The following COL28A1 variants were observed in gnomAD, a reference collection of about 807,000 sequenced individuals.
The protein encoded by COL28A1 is collagen alpha-1(XXVIII) chain.
COL28A1 carries 161 observed loss-of-function variants against 150.2 expected under a neutral mutation model. That is an observed-to-expected ratio of 1.07 (90% CI 0.94 to 1.22). The LOEUF (loss-of-function observed/expected upper bound fraction) is 1.22, where lower values mean the gene tolerates loss of function less well. COL28A1 is among the 50% of genes most tolerant of loss of function. The pLI is 0.00. For missense variants in COL28A1, 1,617 were observed against 1,388.3 expected, an observed-to-expected ratio of 1.16 and a Z score of -2.62; for synonymous variants, 552 against 469.7, an observed-to-expected ratio of 1.18 and a Z score of -2.26.
At chr7:7,472,001 TG>T (rs912482150) in intron 15 of COL28A1, among the ~76,000 whole-genome samples, 2 of 152,126 alleles carry the variant, frequency 1.3e-5, no homozygotes, top group African/African-American at 4.8e-5. Context: ...TCAGCAAAAT[TG>T]GCATACAAGG....
intron 15 of COL28A1, among the ~76,000 whole-genome samples, chr7:7,471,831 G>T (rs1788456217): frequency 6.6e-6 from 1 of 152,148 alleles, no homozygotes; most frequent in South Asian, 2.1e-4. Context: ...GGAGGTGGAG[G>T]TTGCAGTGAA....
intron 11 of COL28A1, among the ~76,000 whole-genome samples, chr7:7,497,991 G>A (rs1001638184): frequency 6.6e-6 from 1 of 152,134 alleles, no homozygotes; most frequent in South Asian, 2.1e-4. Flanking sequence ...CTACGTACTT[G>A]TGCTTTCTAA....
chr7:7,362,166 A>G (rs1432019800), intron 33 of COL28A1, among the ~76,000 whole-genome samples: 6 of 152,188 alleles, frequency 3.9e-5, no homozygotes, highest in Non-Finnish European at 8.8e-5. Flanking sequence ...GTATCCCAGA[A>G]CTTAAAGTAT....
chr7:7,417,805 C>T lies in COL28A1; in HGVS notation c.2136+54G>A, dbSNP rs73674538. ...TTTTGCGTTATCTACAACCTCTTCT[C>T]CCAATCACTCTGGTGAAATCAGAGG... On this transcript the variant is annotated intron_variant, in intron 27 of 34. Coordinates refer to ENST00000399429, the MANE Select transcript of COL28A1 (RefSeq NM_001037763.3). 9,778 of 1,474,254 alleles carry T rather than the reference C, an allele frequency of 6.6e-3. 487 individuals are homozygous for T. In the African/African-American group the frequency reaches 0.12, roughly 18 times the overall value. The allele number at this position is 1,474,254 out of a possible 1,614,324, so 91.3% of individuals were successfully genotyped here. A position where few individuals can be genotyped will look rare whatever the true frequency, so the allele number is the denominator to read the frequency against.
chr7:7,515,776 TGAAA>T, intron 8 of COL28A1, 34 bp downstream of exon 8: 2 of 890,784 alleles, frequency 2.2e-6, no homozygotes, highest in Non-Finnish European at 1.9e-6. Flanking sequence ...TTTTTCTTTT[TGAAA>T]TTCTGGTCAA....
intron 20 of COL28A1, among the ~76,000 whole-genome samples, chr7:7,441,378 A>G (rs1314081414): frequency 6.6e-6 from 1 of 152,138 alleles, no homozygotes; most frequent in Admixed American, 6.6e-5. Context: ...CCTGGGGCAG[A>G]GCTAGGAACT....
intron 13 of COL28A1, among the ~76,000 whole-genome samples, chr7:7,483,401 G>A (rs567018756): frequency 6.6e-6 from 1 of 152,266 alleles, no homozygotes; most frequent in South Asian, 2.1e-4. Flanking sequence ...CATCAACACA[G>A]TGGTATGAAT....
chr7:7,482,924 T>A, intron 13 of COL28A1, among the ~76,000 whole-genome samples: 1 of 152,172 alleles, frequency 6.6e-6, no homozygotes, highest in Non-Finnish European at 1.5e-5. Context: ...AAAGTGTGTT[T>A]GTGTGGTGGG....
chr7:7,373,117 AAT>A lies in COL28A1; in HGVS notation c.2787_2788del (p.Phe930CysfsTer9), dbSNP rs1402406791. On this transcript the variant is annotated frameshift_variant, in exon 32 of 35. Coordinates refer to ENST00000399429, the MANE Select transcript of COL28A1 (RefSeq NM_001037763.3). LOFTEE classifies it high-confidence loss of function. This position sits in a 1 kb window ranked among gnomAD's most constrained non-coding sequence, Gnocchi z 4.1. ...ATTTTTCTTCACCACCCCTATCACA[AAT>A]ATCTCCACATTGGTGTCACTGGCAT... 1.2e-6 allele frequency: 2 copies of A among 1,614,170 alleles called. No individual in the cohort carries two copies. The highest frequency in any genetic ancestry group is 4.5e-5 in the East Asian group (2 of 44,886).
Position 7,364,640 on chromosome 7 carries a change from G to A in COL28A1, c.3067-4112C>T, listed in dbSNP as rs535459970. On this transcript the variant is annotated intron_variant, in intron 33 of 34. Coordinates refer to ENST00000399429, the MANE Select transcript of COL28A1 (RefSeq NM_001037763.3). ...TGCTACATGTTAATAACTTCTGTGT[G>A]CTTTTCTATTGTTAATCTGTCTTTT... is the stretch of plus-strand genomic sequence containing the variant. Among the ~76,000 whole-genome samples, 4 of 152,146 alleles carry A rather than the reference G, an allele frequency of 2.6e-5. No individual in the cohort carries two copies. In the South Asian group the frequency reaches 8.3e-4, roughly 32 times the overall value.
chr7:7,429,471 T>TGGGG, intron 25 of COL28A1, among the ~76,000 whole-genome samples: 1 of 120,626 alleles, frequency 8.3e-6, no homozygotes, highest in African/African-American at 4.0e-5. Flanking sequence ...TGTGTGTGTG[T>TGGGG]GTGGGGGGGG....
rs919139290 is a variant in COL28A1, at chr7:7,367,740, C to T, written c.3066+2985G>A. Among the ~76,000 whole-genome samples, 8 of 151,468 alleles carry T rather than the reference C, an allele frequency of 5.3e-5. No individual in the cohort carries two copies. The East Asian group carries it at 1.2e-3, about 22-fold the overall frequency. The stretch of plus-strand genomic sequence containing the variant: ...GATCTGTTCTTACTTTTCCTCATTA[C>T]GTGTCATAACTGCCTTGGATGTCCC... On this transcript the variant is annotated intron_variant, in intron 33 of 34. Coordinates refer to ENST00000399429, the MANE Select transcript of COL28A1 (RefSeq NM_001037763.3).
intron 25 of COL28A1, 50 bp from the exon 26 acceptor site, chr7:7,420,003 GT>G (rs747525902): frequency 1.9e-5 from 19 of 1,006,258 alleles, no homozygotes; most frequent in Non-Finnish European, 2.5e-5. Context: ...AAGACTTTAT[GT>G]TTTTTTCAAT....
chr7:7,342,361 T>C, the COL28A1 span, among the ~76,000 whole-genome samples: 1 of 151,564 alleles, frequency 6.6e-6, no homozygotes, highest in African/African-American at 2.4e-5. Context: ...GAATGTATAG[T>C]TAGATATTTT....
chr7:7,505,954 T>A, intron 11 of COL28A1, 60 bp downstream of exon 11: 1 of 862,374 alleles, frequency 1.2e-6, no homozygotes, highest in East Asian at 2.4e-5. Flanking sequence ...AAAACATACA[T>A]TACTATAGCG....
At chr7:7,538,630 T>C (rs1236808204), upstream of COL28A1, among the ~76,000 whole-genome samples, 1 of 152,128 alleles carries the variant, frequency 6.6e-6, no homozygotes, top group African/African-American at 2.4e-5. Flanking sequence ...ACATCTTAAT[T>C]TCAGTGGTGA....
intron 25 of COL28A1, among the ~76,000 whole-genome samples, chr7:7,426,930 A>T (rs1450483560): frequency 1.3e-5 from 2 of 152,212 alleles, no homozygotes; most frequent in Non-Finnish European, 2.9e-5. Flanking sequence ...TCTTGTACTA[A>T]AACTGAATAT....
intron 7 of COL28A1, among the ~76,000 whole-genome samples, chr7:7,516,235 C>T (rs2115173186): frequency 6.6e-6 from 1 of 152,310 alleles, no homozygotes; most frequent in South Asian, 2.1e-4. Context: ...TTCATAGAGA[C>T]TCTGAAAGAA....
At chr7:7,427,604 G>A (rs1784720044) in intron 25 of COL28A1, among the ~76,000 whole-genome samples, 1 of 152,184 alleles carries the variant, frequency 6.6e-6, no homozygotes, top group African/African-American at 2.4e-5. Flanking sequence ...GGGCAATTCA[G>A]ATGCTGGGAA....
Sources: gnomAD v4.1 joint callset for allele counts (sites outside exome capture counted in the v4.1 genomes callset) on GRCh38, gnomAD v4.1.1 for gene constraint, Gnocchi (gnomAD v3.1) non-coding constraint, MANE v1.5 for transcripts, NCBI Gene and HGNC (gene_info 2026-07-23, HGNC 2026-07-21) for gene names.